The following ADGRL2 variants were observed in gnomAD, a reference collection of about 807,000 sequenced individuals.
ADGRL2 encodes the protein adhesion G protein-coupled receptor L2.
Under a neutral mutation model 157.4 loss-of-function variants are expected in ADGRL2, and 44 were observed. That is an observed-to-expected ratio of 0.28 (90% confidence interval 0.22 to 0.36). The LOEUF (loss-of-function observed/expected upper bound fraction) is 0.36. Among genes scored for constraint, ADGRL2 ranks in the 10% least tolerant of loss-of-function variants. ADGRL2 has a pLI of 1.00. For synonymous variants in ADGRL2, 585 were observed against 624.7 expected (o/e 0.94, Z 0.95); for missense variants, 1,510 against 1,768.9 (o/e 0.85, Z 2.63).
chr1:81,684,495 A>G (rs2148966503), intron 3 of ADGRL2, among the ~76,000 whole-genome samples: 1 of 152,116 alleles, frequency 6.6e-6, no homozygotes, highest in Non-Finnish European at 1.5e-5. Context: ...TTTTTCTCTT[A>G]CTGACTTGTT....
intron 4 of ADGRL2, 71 bp from the exon 5 acceptor site, chr1:81,941,963 A>C: frequency 1.4e-6 from 1 of 710,784 alleles, no homozygotes; most frequent in Non-Finnish European, 2.6e-6. Flanking sequence ...ACTAATAGTC[A>C]ATTTATTTTA....
At chr1:81,896,702 T>G (rs2094396195) in intron 2 of ADGRL2, among the ~76,000 whole-genome samples, 1 of 152,068 alleles carries the variant, frequency 6.6e-6, no homozygotes, top group South Asian at 2.1e-4. Context: ...TAAAGTAAAA[T>G]AAAGTAAAAA....
At chr1:81,557,478 G>GA in intron 2 of ADGRL2, 1 of 74,380 alleles carries the variant, frequency 1.3e-5, no homozygotes, top group Non-Finnish European at 2.5e-5. Context: ...AAGAAAGAAA[G>GA]AAAGAAGAAA....
intron 1 of ADGRL2, among the ~76,000 whole-genome samples, chr1:81,309,374 A>C (rs1022760879): frequency 3.9e-5 from 6 of 152,160 alleles, no homozygotes; most frequent in African/African-American, 1.4e-4. Flanking sequence ...TTTCAAAGAT[A>C]AAGAGAGGTA....
At chr1:81,518,138 G>A (rs922930530) in intron 2 of ADGRL2, among the ~76,000 whole-genome samples, 1 of 152,256 alleles carries the variant, frequency 6.6e-6, no homozygotes, top group African/African-American at 2.4e-5. Flanking sequence ...AGGCAGGCAG[G>A]AGTAGGAACG....
chr1:81,508,856 A>G (rs1171448534), intron 2 of ADGRL2, among the ~76,000 whole-genome samples: 2 of 152,332 alleles, frequency 1.3e-5, no homozygotes, highest in East Asian at 1.9e-4. Context: ...CCAAGAATAT[A>G]TATTATTAGT....
chr1:81,668,906 C>T (rs986755878), intron 3 of ADGRL2, among the ~76,000 whole-genome samples: 1 of 152,048 alleles, frequency 6.6e-6, no homozygotes, highest in Non-Finnish European at 1.5e-5. Context: ...TGATGATCAA[C>T]ACTAACTGTA....
intron 2 of ADGRL2, among the ~76,000 whole-genome samples, chr1:81,508,878 T>A (rs2079026856): frequency 6.6e-6 from 1 of 152,210 alleles, no homozygotes; most frequent in Admixed American, 6.5e-5. Context: ...GGAAAATAGC[T>A]TCAGGACTTG....
At chr1:81,458,935 C>T (rs530662536) in intron 2 of ADGRL2, among the ~76,000 whole-genome samples, 24 of 152,168 alleles carry the variant, frequency 1.6e-4, no homozygotes, top group African/African-American at 3.1e-4. Context: ...ATAAGGTATA[C>T]GGACACTGGA....
chr1:81,678,439 A>G (rs1284919093), intron 3 of ADGRL2, among the ~76,000 whole-genome samples: 2 of 152,222 alleles, frequency 1.3e-5, no homozygotes, highest in African/African-American at 2.4e-5. Context: ...ACAAAACAAA[A>G]CAACAACCTT....
intron 1 of ADGRL2, among the ~76,000 whole-genome samples, chr1:81,424,739 A>G (rs758003180): frequency 3.7e-4 from 57 of 152,170 alleles, no homozygotes; most frequent in Non-Finnish European, 7.4e-4. Context: ...TAAACCACTT[A>G]ATGTTTTTAT....
chr1:81,421,844 A>G (rs1489066398), intron 1 of ADGRL2, among the ~76,000 whole-genome samples: 1 of 152,204 alleles, frequency 6.6e-6, no homozygotes, highest in Non-Finnish European at 1.5e-5. Flanking sequence ...AACAGGGTTT[A>G]ATTGCATAGA....
chr1:81,559,279 G>A (rs12097763), intron 2 of ADGRL2, among the ~76,000 whole-genome samples: 1 of 151,942 alleles, frequency 6.6e-6, no homozygotes, highest in Non-Finnish European at 1.5e-5. Context: ...AAAATTAATG[G>A]TATAGGTATA....
Position 81,689,933 on chromosome 1 carries a change from T to A in ADGRL2, c.-142-71878T>A, listed in dbSNP as rs72939294. ...GACCAGACCCAGTCTTTGGATGAGA[T>A]CTCTCTCTCCCAATCTGGAACTCAG... On this transcript the variant is annotated intron_variant, in intron 3 of 24. Coordinates refer to the ADGRL2 transcript ENST00000370721. Among the ~76,000 whole-genome samples, 1,194 of 152,228 alleles carry A rather than the reference T, an allele frequency of 7.8e-3. 12 individuals carry two copies. Among genetic ancestry groups the A allele is most frequent in the African/African-American group, 0.027 (1,123 of 41,528 alleles).
At chr1:81,532,935 C>A (rs2148264426) in intron 2 of ADGRL2, among the ~76,000 whole-genome samples, 1 of 134,638 alleles carries the variant, frequency 7.4e-6, no homozygotes, top group African/African-American at 2.9e-5. Flanking sequence ...AAAAAAACAA[C>A]AAAAAATTCT....
chr1:81,584,819 C>A (rs557899663), intron 3 of ADGRL2, among the ~76,000 whole-genome samples: 1 of 152,034 alleles, frequency 6.6e-6, no homozygotes, highest in Non-Finnish European at 1.5e-5. Context: ...AAGATTTTCC[C>A]GAGGAAATGT....
chr1:81,346,488 C>T (rs1004714459), intron 1 of ADGRL2, among the ~76,000 whole-genome samples: 1 of 152,080 alleles, frequency 6.6e-6, no homozygotes, highest in African/African-American at 2.4e-5. Flanking sequence ...TATTGGAAGC[C>T]TAACCCTGCA....
intron 2 of ADGRL2, among the ~76,000 whole-genome samples, chr1:81,543,163 G>A (rs1047923285): frequency 2.0e-5 from 3 of 152,076 alleles, no homozygotes; most frequent in Non-Finnish European, 4.4e-5. Flanking sequence ...TGGTCTGAAT[G>A]TTTGTGTCTC....
chr1:81,590,164 G>A (rs1012888088), intron 3 of ADGRL2, among the ~76,000 whole-genome samples: 14 of 152,256 alleles, frequency 9.2e-5, no homozygotes, highest in African/African-American at 3.1e-4. Context: ...CCTGTCTCAT[G>A]GAGACCCAGC....
Sources: allele counts gnomAD v4.1 joint callset (sites outside exome capture counted in the v4.1 genomes callset), GRCh38; gene constraint gnomAD v4.1.1; transcripts MANE v1.5; gene names NCBI Gene and HGNC (gene_info 2026-07-23, HGNC 2026-07-21).